LDAH: variants seen among roughly 807,000 people sequenced by gnomAD.
The protein encoded by LDAH is lipid droplet associated hydrolase.
LDAH carries 26 observed loss-of-function variants against 29.6 expected under a neutral mutation model. The observed-to-expected ratio is 0.88, with a 90% CI of 0.64 to 1.22. The LOEUF (loss-of-function observed/expected upper bound fraction) is 1.22. Ranked by LOEUF, LDAH falls within the 50% of genes most tolerant of loss-of-function variation. LDAH has a pLI of 0.00. For synonymous variants in LDAH, 117 were observed against 133.0 expected (o/e 0.88, Z 0.83); for missense variants, 344 against 387.3 (o/e 0.89, Z 0.94).
At chr2:20,697,060 C>T (rs1253388476) in intron 6 of LDAH, among the ~76,000 whole-genome samples, 2 of 152,136 alleles carry the variant, frequency 1.3e-5, no homozygotes, top group Non-Finnish European at 2.9e-5. Flanking sequence ...CAAAAGTCAG[C>T]CTCAAATATC....
chr2:20,738,599 G>A (rs1180873340), intron 5 of LDAH, among the ~76,000 whole-genome samples: 1 of 152,160 alleles, frequency 6.6e-6, no homozygotes, highest in Non-Finnish European at 1.5e-5. Flanking sequence ...GAGATGAGGA[G>A]TTGGACCAAA....
At chr2:20,700,244 C>T (rs556390879) in intron 6 of LDAH, among the ~76,000 whole-genome samples, 6 of 152,348 alleles carry the variant, frequency 3.9e-5, no homozygotes, top group Non-Finnish European at 7.3e-5. Context: ...ACTCTCCCTT[C>T]GGCTAGTGAG....
intron 4 of LDAH, among the ~76,000 whole-genome samples, chr2:20,770,293 G>A (rs661929): frequency 0.35 from 53,844 of 151,996 alleles, 10,043 homozygotes; most frequent in South Asian, 0.54. Flanking sequence ...AGGAAACTCT[G>A]TGTTATTATG....
chr2:20,771,112 TTAGA>T (rs1669382637), intron 4 of LDAH, among the ~76,000 whole-genome samples: 1 of 152,218 alleles, frequency 6.6e-6, no homozygotes, highest in Non-Finnish European at 1.5e-5. Context: ...TGGAATTTGT[TTAGA>T]TAAACAACTT....
chr2:20,688,769 A>T (rs1662761181), intron 6 of LDAH, among the ~76,000 whole-genome samples: 1 of 151,948 alleles, frequency 6.6e-6, no homozygotes, highest in African/African-American at 2.4e-5. Context: ...CAGAGAGTAA[A>T]TTATGAACAA....
rs1430814412 is a variant in LDAH, at chr2:20,686,408, C to T, written c.*495G>A. The T allele has an allele frequency of 1.3e-5, 2 of 153,062 alleles. No individual in the cohort carries two copies. Among genetic ancestry groups the T allele is most frequent in the Non-Finnish European group, 2.9e-5 (2 of 68,698 alleles). The allele number at this position is 153,062 out of a possible 1,614,324, so 9.5% of individuals were successfully genotyped here. On this transcript the variant is annotated 3_prime_UTR_variant, in exon 7 of 7. Coordinates refer to ENST00000237822, the MANE Select transcript of LDAH (RefSeq NM_021925.4). ...TTCTGTCTTACAGGAGACCCAGGTT[C>T]ACTTCCTGCTCCTGGAACATGAGTG...
chr2:20,807,649 ATTC>A (rs963800100), intron 1 of LDAH, among the ~76,000 whole-genome samples: 26 of 152,158 alleles, frequency 1.7e-4, no homozygotes, highest in African/African-American at 6.0e-4. Context: ...TCATGAAAAA[ATTC>A]TTAACAAGTG....
intron 3 of LDAH, among the ~76,000 whole-genome samples, chr2:20,782,522 T>C (rs1670266990): frequency 6.6e-6 from 1 of 152,234 alleles, no homozygotes; most frequent in African/African-American, 2.4e-5. Context: ...TTTGGTGGTT[T>C]AATTTCTTTA....
chr2:20,744,599 GCTAA>G (rs2124857457), intron 4 of LDAH, among the ~76,000 whole-genome samples: 1 of 152,256 alleles, frequency 6.6e-6, no homozygotes, highest in Non-Finnish European at 1.5e-5. Context: ...TTAGGATTTA[GCTAA>G]CTAATTTCTC....
intron 6 of LDAH, among the ~76,000 whole-genome samples, chr2:20,696,930 C>T (rs1408906463): frequency 2.0e-5 from 3 of 152,170 alleles, no homozygotes; most frequent in Admixed American, 2.0e-4. Flanking sequence ...TCCTCCCAAC[C>T]CTTAAGCTGG....
At chr2:20,740,553 C>T (rs189708396) in intron 4 of LDAH, among the ~76,000 whole-genome samples, 2 of 152,270 alleles carry the variant, frequency 1.3e-5, no homozygotes, top group East Asian at 3.9e-4. Flanking sequence ...AAATGATTCT[C>T]CTGCCTTGGC....
chr2:20,726,767 T>G (rs1666048238), intron 5 of LDAH, among the ~76,000 whole-genome samples: 1 of 152,218 alleles, frequency 6.6e-6, no homozygotes, highest in Admixed American at 6.5e-5. Context: ...CGATAATCAA[T>G]TTAGTCTGCA....
rs1558466534 is a variant in LDAH, at chr2:20,774,937, C to T, written c.341G>A (p.Gly114Glu). 2 of 1,611,784 alleles carry T rather than the reference C, an allele frequency of 1.2e-6. No homozygotes were observed. The highest frequency in any genetic ancestry group is 4.5e-5 in the East Asian group (2 of 44,814). ...QEIKDIYGLN[G>E]QIEHKLAFLR... is the part of the protein sequence containing the mutation. ...GAAAGCTAGTTTGTGCTCTATTTGT[C>T]CATTTAGTCCATAAATGTCCTTAAT... The change falls in exon 4 of 7, where the codon GGA becomes GAA. Residue 114 changes from glycine (G) to glutamate (E), a missense_variant. By Grantham distance (98) the Gly-to-Glu change is moderately conservative. Coordinates refer to ENST00000237822, the MANE Select transcript of LDAH (RefSeq NM_021925.4).
Position 20,789,430 on chromosome 2 carries a change from C to G in LDAH, c.298+825G>C, listed in dbSNP as rs145216251. On this transcript the variant is annotated intron_variant, in intron 3 of 6. Transcript: ENST00000237822. ...CCAGTCTCAAGAAACTATGAGAAAT[C>G]AATTTCCATTTTTAAAAGCTACTTA... 2.8e-3 allele frequency: 4,010 copies of G among 1,443,292 alleles called. 9 individuals are homozygous for G. Among genetic ancestry groups the G allele is most frequent in the Middle Eastern group, 0.012 (46 of 3,904 alleles). The allele number at this position is 1,443,292 out of a possible 1,614,324, so 89.4% of individuals were successfully genotyped here.
At chr2:20,745,863 T>A (rs1439564678) in intron 4 of LDAH, among the ~76,000 whole-genome samples, 4 of 152,186 alleles carry the variant, frequency 2.6e-5, no homozygotes, top group Non-Finnish European at 5.9e-5. Context: ...AAAAGAGGAC[T>A]AGAAATTGCT....
At chr2:20,753,747 T>TA (rs1668120281) in intron 4 of LDAH, among the ~76,000 whole-genome samples, 2 of 152,226 alleles carry the variant, frequency 1.3e-5, no homozygotes, top group African/African-American at 4.8e-5. Flanking sequence ...AGAACCCTTG[T>TA]ACCCTAGATA....
At chr2:20,702,334 T>C (rs1293945161) in intron 5 of LDAH, among the ~76,000 whole-genome samples, 1 of 152,232 alleles carries the variant, frequency 6.6e-6, no homozygotes, top group Non-Finnish European at 1.5e-5. Flanking sequence ...TATCTTGCTT[T>C]CTTTTTTGCC....
At chr2:20,738,025 G>A (rs962851361) in intron 5 of LDAH, among the ~76,000 whole-genome samples, 4 of 151,852 alleles carry the variant, frequency 2.6e-5, no homozygotes, top group Non-Finnish European at 5.9e-5. Context: ...AGGCTGAGGC[G>A]GGCGGATCAC....
intron 1 of LDAH, among the ~76,000 whole-genome samples, chr2:20,802,005 T>C (rs946812161): frequency 6.6e-6 from 1 of 151,552 alleles, no homozygotes; most frequent in Non-Finnish European, 1.5e-5. Flanking sequence ...TATATATATG[T>C]ATATATACAT....
Sources: allele counts gnomAD v4.1 joint callset (sites outside exome capture counted in the v4.1 genomes callset), GRCh38; gene constraint gnomAD v4.1.1; transcripts MANE v1.5; gene names NCBI Gene and HGNC (gene_info 2026-07-23, HGNC 2026-07-21).